Variants in SH3RF3 observed in about 807,000 individuals in gnomAD.
SH3RF3 encodes the protein E3 ubiquitin-protein ligase SH3RF3.
A neutral mutation model predicts 66.3 loss-of-function variants in SH3RF3; 29 were observed. The observed-to-expected ratio is 0.44, with a 90% CI of 0.33 to 0.60. SH3RF3 has a LOEUF of 0.60. SH3RF3 is among the 20% of genes least tolerant of loss of function. The probability of loss-of-function intolerance (pLI) is 0.04; values close to 1 mark genes in which losing one functional copy is unlikely to be tolerated. For synonymous variants in SH3RF3, 583 were observed against 532.0 expected, an observed-to-expected ratio of 1.10 and a Z score of -1.32; for missense variants, 1,194 against 1,190.9, an observed-to-expected ratio of 1.00 and a Z score of -0.04.
Position 109,218,117 on chromosome 2 carries a change from A to G in SH3RF3, c.573+88004A>G, listed in dbSNP as rs57758505. ...ATAGAGGTTTTTGGAAACTGAGTAG[A>G]GACAGAAAACCATTGTCCTCTCCTT... On this transcript the variant is annotated intron_variant, in intron 1 of 9. Coordinates refer to ENST00000309415, the MANE Select transcript of SH3RF3 (RefSeq NM_001099289.3). Among the ~76,000 whole-genome samples, 1,339 of 151,418 alleles carry G rather than the reference A, an allele frequency of 8.8e-3. 18 individuals are homozygous for G. The highest frequency in any genetic ancestry group is 0.031 in the African/African-American group (1,282 of 41,070).
In SH3RF3 at chr2:109,437,128, C is replaced by G. The variant is rs753225818; in HGVS notation, c.1810C>G (p.Arg604Gly). 3 of 1,611,644 alleles carry G rather than the reference C, an allele frequency of 1.9e-6. No individual in the cohort carries two copies. Among genetic ancestry groups the G allele is most frequent in the Admixed American group, 3.3e-5 (2 of 59,888 alleles). Residue 604 changes from arginine (R) to glycine (G), a missense_variant, in exon 7 of 10, where the codon CGG becomes GGG. Transcript: ENST00000309415. ...AGCCCAGCCAACGGCCAGCCAAGCC[C>G]GGAGCACCATTTCAACAGGTACCTT... ...HSAQPTASQARSTISTAAHSA... is the reference protein window; with the variant it reads ...HSAQPTASQAGSTISTAAHSA...
chr2:109,263,923 C>T (rs978031160), intron 1 of SH3RF3, among the ~76,000 whole-genome samples: 5 of 152,174 alleles, frequency 3.3e-5, no homozygotes, highest in African/African-American at 7.2e-5. Context: ...GAGCCAAGAT[C>T]GTGCCACTGC....
intron 3 of SH3RF3, among the ~76,000 whole-genome samples, chr2:109,392,154 C>T (rs1380043362): frequency 6.6e-6 from 1 of 152,214 alleles, no homozygotes; most frequent in Admixed American, 6.5e-5. Flanking sequence ...ATTTGAATCT[C>T]TAAAATGTAC....
At chr2:109,159,611 A>T (rs1677437168) in intron 1 of SH3RF3, among the ~76,000 whole-genome samples, 1 of 152,224 alleles carries the variant, frequency 6.6e-6, no homozygotes, top group South Asian at 2.1e-4. Context: ...ATGGACTGAT[A>T]CCAGTCTGTG....
At chr2:109,412,367 C>G (rs1437697768) in intron 4 of SH3RF3, among the ~76,000 whole-genome samples, 3 of 152,368 alleles carry the variant, frequency 2.0e-5, no homozygotes, top group African/African-American at 7.2e-5. Context: ...CCCAGTGTGG[C>G]CCCAGCGTGG....
At chr2:109,456,144 T>C (rs1380004104) in intron 8 of SH3RF3, among the ~76,000 whole-genome samples, 8 of 152,164 alleles carry the variant, frequency 5.3e-5, no homozygotes, top group Non-Finnish European at 1.0e-4. Context: ...AAGAGTCTCA[T>C]GGTCAGCCAT....
Position 109,289,440 on chromosome 2 carries a change from T to G in SH3RF3, c.574-58234T>G, listed in dbSNP as rs144548755. On this transcript the variant is annotated intron_variant, in intron 1 of 9. Transcript: ENST00000309415. ...TGGAACATGAGCTTGGATTTCTTGA[T>G]GCTACATGTCACGGATTGGCAGGAA... is the stretch of plus-strand genomic sequence containing the variant. Among the ~76,000 whole-genome samples the G allele has an allele frequency of 2.3e-3, 356 of 152,324 alleles. 1 individual carries two copies. Among genetic ancestry groups the G allele is most frequent in the African/African-American group, 8.2e-3 (339 of 41,572 alleles).
At chr2:109,464,158 T>A (rs779743735) in intron 8 of SH3RF3, among the ~76,000 whole-genome samples, 1 of 152,156 alleles carries the variant, frequency 6.6e-6, no homozygotes, top group African/African-American at 2.4e-5. Flanking sequence ...GGACAAGAGC[T>A]CACCACTTAA....
rs943751032 is a variant in SH3RF3 at position 109,404,518 on chromosome 2, G to A, written c.1299+5575G>A. Among the ~76,000 whole-genome samples the A allele has an allele frequency of 8.5e-5, 13 of 152,238 alleles. No homozygotes were observed. The East Asian group carries it at 1.6e-3, about 18-fold the overall frequency. On this transcript the variant is annotated intron_variant, in intron 4 of 9. Coordinates refer to ENST00000309415, the MANE Select transcript of SH3RF3 (RefSeq NM_001099289.3). ...GTGGGGCCTAGACGGAAGTTTTGCC[G>A]GGCCTAGGCTGGCCACAAGCACAGT...
chr2:109,191,563 C>T (rs1428882846), intron 1 of SH3RF3, among the ~76,000 whole-genome samples: 1 of 152,204 alleles, frequency 6.6e-6, no homozygotes. Context: ...GACGCTGCCT[C>T]CCACATTATG....
At chr2:109,308,208 G>A (rs1371692753) in intron 1 of SH3RF3, among the ~76,000 whole-genome samples, 1 of 130,994 alleles carries the variant, frequency 7.6e-6, no homozygotes, top group Non-Finnish European at 1.6e-5. Context: ...TTTTTTGGCT[G>A]CATAAATGTC....
chr2:109,345,251 G>A (rs1682658270), intron 1 of SH3RF3, among the ~76,000 whole-genome samples: 2 of 152,076 alleles, frequency 1.3e-5, no homozygotes, highest in Non-Finnish European at 2.9e-5. Context: ...TCTTCAGGTG[G>A]CCTTTATGTC....
At chr2:109,410,007 C>A (rs187055367) in intron 4 of SH3RF3, among the ~76,000 whole-genome samples, 5 of 152,208 alleles carry the variant, frequency 3.3e-5, no homozygotes, top group African/African-American at 1.2e-4. Context: ...GACTCGGAGC[C>A]CCCGTACAGC....
chr2:109,156,367 G>A (rs552939288), intron 1 of SH3RF3, among the ~76,000 whole-genome samples: 2 of 152,270 alleles, frequency 1.3e-5, no homozygotes, highest in Admixed American at 1.3e-4. Flanking sequence ...TCTTGCTGGA[G>A]AAGGAAGTAT....
chr2:109,413,604 A>G (rs1396268758), intron 4 of SH3RF3, among the ~76,000 whole-genome samples: 2 of 152,026 alleles, frequency 1.3e-5, no homozygotes, highest in East Asian at 3.9e-4. Context: ...ACAAGCCCAA[A>G]TCACCAGGAC....
chr2:109,151,750 A>G (rs906981557), intron 1 of SH3RF3, among the ~76,000 whole-genome samples: 1 of 152,228 alleles, frequency 6.6e-6, no homozygotes, highest in East Asian at 1.9e-4. Context: ...GGATCAGACC[A>G]CTTCAGATAT....
intron 1 of SH3RF3, among the ~76,000 whole-genome samples, chr2:109,315,437 G>A (rs1461803442): frequency 6.6e-6 from 1 of 152,252 alleles, no homozygotes; most frequent in East Asian, 1.9e-4. Flanking sequence ...TTGCAGGGAA[G>A]CAATAGCTTG....
intron 7 of SH3RF3, among the ~76,000 whole-genome samples, chr2:109,439,042 C>T (rs1346866499): frequency 1.3e-5 from 2 of 152,172 alleles, no homozygotes; most frequent in Non-Finnish European, 2.9e-5. Context: ...GTATAATGGT[C>T]TTTCCACACC....
At chr2:109,420,686 C>A (rs1408460519) in intron 5 of SH3RF3, among the ~76,000 whole-genome samples, 1 of 152,172 alleles carries the variant, frequency 6.6e-6, no homozygotes, top group East Asian at 1.9e-4. Context: ...ATCTCGTGAT[C>A]CGCCCGCCTT....
Sources: gnomAD v4.1 joint callset for allele counts (sites outside exome capture counted in the v4.1 genomes callset) on GRCh38, gnomAD v4.1.1 for gene constraint, MANE v1.5 for transcripts, NCBI Gene and HGNC (gene_info 2026-07-23, HGNC 2026-07-21) for gene names.